Variants in LMBR1 observed in about 807,000 individuals in gnomAD.
LMBR1 encodes the protein limb development membrane protein 1.
A neutral mutation model predicts 73.9 loss-of-function variants in LMBR1; 52 were observed. The ratio of observed to expected loss-of-function variants is 0.70; its 90% CI spans 0.56 to 0.89. LMBR1 has a LOEUF of 0.89. Among genes scored for constraint, LMBR1 ranks in the 40% least tolerant of loss-of-function variants. LMBR1 has a pLI of 0.00. For missense variants in LMBR1, 539 were observed against 579.8 expected (o/e 0.93, Z 0.72); for synonymous variants, 215 against 209.4 (o/e 1.03, Z -0.23).
chr7:156,873,697 G>C (rs1799697607), intron 1 of LMBR1, among the ~76,000 whole-genome samples: 1 of 152,142 alleles, frequency 6.6e-6, no homozygotes, highest in Admixed American at 6.5e-5. Context: ...TAGATACAGA[G>C]TGTCGATTGG....
chr7:156,767,737 T>C (rs1220719320), intron 5 of LMBR1, among the ~76,000 whole-genome samples: 1 of 151,774 alleles, frequency 6.6e-6, no homozygotes, highest in Admixed American at 6.6e-5. Context: ...AATATAAACA[T>C]AACAAAATAT....
At chr7:156,825,613 T>G (rs1331202486) in intron 4 of LMBR1, among the ~76,000 whole-genome samples, 7 of 152,196 alleles carry the variant, frequency 4.6e-5, no homozygotes, top group Non-Finnish European at 1.0e-4. Context: ...TATGCCAGCA[T>G]GTTCTATGAG....
At chr7:156,779,606 A>G in intron 5 of LMBR1, 1 of 1,007,336 alleles carries the variant, frequency 9.9e-7, no homozygotes, top group South Asian at 1.5e-5. Flanking sequence ...GTGCTGGTCA[A>G]TTATACATTT....
intron 1 of LMBR1, chr7:156,892,564 T>G: frequency 5.6e-6 from 1 of 180,060 alleles, no homozygotes; most frequent in Non-Finnish European, 1.2e-5. Context: ...AGGAAGCCCC[T>G]GGGGTCCCAG....
In LMBR1 at chr7:156,773,046, T is replaced by C. The variant is rs189873020; in HGVS notation, c.424-9251A>G. ...TATAAAATCCATGTACAAAAATCAG[T>C]AGCACTTCTATAGACCAATAACATC... is the stretch of plus-strand genomic sequence containing the variant. On this transcript the variant is annotated intron_variant, in intron 5 of 16. Coordinates refer to ENST00000353442, the MANE Select transcript of LMBR1 (RefSeq NM_022458.4). Among the ~76,000 whole-genome samples the C allele has an allele frequency of 1.3e-3, 200 of 151,938 alleles. 1 individual carries two copies. Among genetic ancestry groups the C allele is most frequent in the Non-Finnish European group, 2.2e-3 (149 of 67,940 alleles).
At position 156,718,171 on chromosome 7, in the gene LMBR1, G is replaced by A. The variant is rs541473596; in HGVS notation, c.1225+5941C>T. Reference sequence around the variant, plus strand: ...TCCCAGCACTTTGGGAGGCCAAGGCGGGCAAATCACTTGAGGTCAGGAGTT... The same window carrying A: ...TCCCAGCACTTTGGGAGGCCAAGGCAGGCAAATCACTTGAGGTCAGGAGTT... On this transcript the variant is annotated intron_variant, in intron 15 of 16. Transcript: ENST00000353442. Among the ~76,000 whole-genome samples, 21 of 151,684 alleles carry A rather than the reference G, an allele frequency of 1.4e-4. No individual in the cohort carries two copies. The South Asian group carries it at 2.3e-3, about 17-fold the overall frequency.
chr7:156,676,641 A>C, downstream of LMBR1: 8 of 1,613,406 alleles, frequency 5.0e-6, no homozygotes, highest in Non-Finnish European at 5.1e-6. Flanking sequence ...CCAGAAGAAG[A>C]TTCTTGAATG....
chr7:156,763,524 C>A, intron 6 of LMBR1, 145 bp downstream of exon 6: 1 of 617,092 alleles, frequency 1.6e-6, no homozygotes, highest in Non-Finnish European at 2.5e-6. Context: ...ATAAAAATAT[C>A]TAAAGATTTC....
At chr7:156,715,238 C>T (rs2132247552) in intron 15 of LMBR1, among the ~76,000 whole-genome samples, 1 of 152,208 alleles carries the variant, frequency 6.6e-6, no homozygotes, top group South Asian at 2.1e-4. Flanking sequence ...AGGTGTAAGC[C>T]ACCACACCCA....
chr7:156,817,100 A>C lies in LMBR1; in HGVS notation c.319+9505T>G, dbSNP rs542896640. The stretch of plus-strand genomic sequence containing the variant: ...ATTTAAAGTTATTTAACTGTGGTTT[A>C]AAATAAAACAAAACAAGACTGAATT... On this transcript the variant is annotated intron_variant, in intron 4 of 16. Transcript: ENST00000353442. Among the ~76,000 whole-genome samples, 3 of 152,278 alleles carry C rather than the reference A, an allele frequency of 2.0e-5. No homozygotes were observed. The South Asian group carries it at 6.2e-4, about 32-fold the overall frequency.
At chr7:156,718,408 AAAG>A (rs1392501548) in intron 15 of LMBR1, among the ~76,000 whole-genome samples, 3 of 145,600 alleles carry the variant, frequency 2.1e-5, no homozygotes, top group African/African-American at 2.6e-5. Context: ...TCAAAAAAAA[AAAG>A]AAGGAAAAAG....
At chr7:156,705,580 C>T (rs1013624539) in intron 15 of LMBR1, among the ~76,000 whole-genome samples, 2 of 152,042 alleles carry the variant, frequency 1.3e-5, no homozygotes, top group African/African-American at 4.8e-5. Flanking sequence ...AAAAAGCCTG[C>T]CATTGAAGAA....
intron 1 of LMBR1, among the ~76,000 whole-genome samples, chr7:156,876,604 A>G (rs957023374): frequency 3.3e-5 from 5 of 152,218 alleles, no homozygotes; most frequent in African/African-American, 1.2e-4. Context: ...AAGAAAATTG[A>G]AATTATACCA....
At chr7:156,703,051 C>G (rs1446385899) in intron 15 of LMBR1, among the ~76,000 whole-genome samples, 1 of 152,210 alleles carries the variant, frequency 6.6e-6, no homozygotes, top group Non-Finnish European at 1.5e-5. Flanking sequence ...GGAAACTGTA[C>G]AATCCAGGCC....
At chr7:156,675,156 C>T (rs1273527056), downstream of LMBR1, among the ~76,000 whole-genome samples, 1 of 152,236 alleles carries the variant, frequency 6.6e-6, no homozygotes, top group African/African-American at 2.4e-5. Flanking sequence ...GCAGCGGAGA[C>T]CCGAAGAGAC....
rs371100043 is a variant in LMBR1 at position 156,724,123 on chromosome 7, G to A, written c.1214C>T (p.Ser405Leu). The change falls in exon 15 of 17, where the codon TCG (serine) becomes TTG (leucine). Residue 405 changes from serine (S) to leucine (L), a missense_variant. Around this residue, in one of 3 missense-constraint regions of LMBR1, gnomAD observed 16 missense variants for 37.9 expected, o/e 0.42. Coordinates refer to ENST00000353442, the MANE Select transcript of LMBR1 (RefSeq NM_022458.4). ...LVLSSALPVM[S>L]RTLGITRFDL... Reference sequence around the variant, plus strand: ...TCACTGAAACTTACCCAGTGTTCTCGACATCACAGGCAGAGCAGAGCTCAA... The same window carrying A: ...TCACTGAAACTTACCCAGTGTTCTCAACATCACAGGCAGAGCAGAGCTCAA... 1.7e-5 allele frequency: 27 copies of A among 1,608,976 alleles called. No individual in the cohort carries two copies. Among genetic ancestry groups the A allele is most frequent in the East Asian group, 2.2e-5 (1 of 44,604 alleles).
rs182101720 is a variant in LMBR1 at position 156,771,801 on chromosome 7, C to T, written c.424-8006G>A. On this transcript the variant is annotated intron_variant, in intron 5 of 16. Transcript: ENST00000353442. ...CAAAAAGAAAAAGAAAACTTCACAC[C>T]AATATTCTTGATAAACACAGATGCA... Among the ~76,000 whole-genome samples, 252 of 152,208 alleles carry T rather than the reference C, an allele frequency of 1.7e-3. 1 individual carries two copies. The highest frequency in any genetic ancestry group is 6.8e-3 in the Middle Eastern group (2 of 294).
At position 156,681,195 on chromosome 7, in the gene LMBR1, G is replaced by A. The variant is rs183471381; in HGVS notation, c.*2883C>T. Reference sequence around the variant, plus strand: ...ATGAAAACCTGTGTCCCTGGCAGACGAGGTCATCACTGAGGCTGCAGGGAG... The same window carrying A: ...ATGAAAACCTGTGTCCCTGGCAGACAAGGTCATCACTGAGGCTGCAGGGAG... On this transcript the variant is annotated 3_prime_UTR_variant, in exon 17 of 17. Transcript: ENST00000353442. 26 of 453,986 alleles carry A rather than the reference G, an allele frequency of 5.7e-5. No homozygotes were observed. Among genetic ancestry groups the A allele is most frequent in the African/African-American group, 5.0e-4 (25 of 49,890 alleles). The allele number at this position is 453,986 out of a possible 1,614,324, so 28.1% of individuals were successfully genotyped here. A position where few individuals can be genotyped will look rare whatever the true frequency, so the allele number is the denominator to read the frequency against.
chr7:156,770,956 A>G (rs774457184), intron 5 of LMBR1, among the ~76,000 whole-genome samples: 76 of 152,274 alleles, frequency 5.0e-4, no homozygotes, highest in Middle Eastern at 6.8e-3. Flanking sequence ...AAATTAAAGT[A>G]AGTATAATAA....
Sources: gnomAD v4.1 joint callset for allele counts (sites outside exome capture counted in the v4.1 genomes callset) on GRCh38, gnomAD v4.1.1 for gene constraint, gnomAD v4.1.1 regional missense constraint, MANE v1.5 for transcripts, NCBI Gene and HGNC (gene_info 2026-07-23, HGNC 2026-07-21) for gene names.